Variants in FUT8 observed in about 807,000 individuals in gnomAD.
FUT8 encodes fucosyltransferase 8.
FUT8 carries 29 observed loss-of-function variants against 71.3 expected under a neutral mutation model. That is an observed-to-expected ratio of 0.41 (90% CI 0.30 to 0.55). The LOEUF is 0.55. FUT8 is among the 20% of genes least tolerant of loss of function. FUT8 has a pLI of 0.34. For missense variants in FUT8, 544 were observed against 702.1 expected, an observed-to-expected ratio of 0.77 and a Z score of 2.55; for synonymous variants, 254 against 239.3, an observed-to-expected ratio of 1.06 and a Z score of -0.57.
At chr14:65,665,642 T>C (rs1347038619) in intron 6 of FUT8, among the ~76,000 whole-genome samples, 2 of 152,188 alleles carry the variant, frequency 1.3e-5, no homozygotes, top group African/African-American at 2.4e-5. Flanking sequence ...CATATGTTCA[T>C]TGCAGCACTA....
intron 5 of FUT8, among the ~76,000 whole-genome samples, chr14:65,620,870 A>T (rs981773449): frequency 3.9e-5 from 6 of 152,236 alleles, no homozygotes; most frequent in African/African-American, 1.4e-4. Flanking sequence ...TAGAACATTC[A>T]TCTTAATATT....
At chr14:65,410,698 TTG>T (rs1168565822), upstream of FUT8, 1 of 152,060 alleles carries the variant, frequency 6.6e-6, no homozygotes, top group African/African-American at 2.4e-5. Context: ...ATGTAAAGCT[TTG>T]TACTTGGGTA....
chr14:65,512,596 A>C (rs1013939138), intron 2 of FUT8, among the ~76,000 whole-genome samples: 4 of 151,660 alleles, frequency 2.6e-5, no homozygotes, highest in African/African-American at 9.7e-5. Flanking sequence ...AAAGTAACTT[A>C]GGTTTGATTT....
intron 2 of FUT8, among the ~76,000 whole-genome samples, chr14:65,473,488 G>A (rs1235350733): frequency 6.6e-6 from 1 of 152,034 alleles, no homozygotes; most frequent in African/African-American, 2.4e-5. Flanking sequence ...GACTTACATT[G>A]CCACGGCAGT....
chr14:65,378,846 T>TG, the FUT8 span, among the ~76,000 whole-genome samples: 1 of 134,334 alleles, frequency 7.4e-6, no homozygotes, highest in Non-Finnish European at 1.6e-5. Flanking sequence ...GGTTTTTTTT[T>TG]TTTTTTTTTT....
chr14:65,445,078 G>C (rs773019888), intron 1 of FUT8, among the ~76,000 whole-genome samples: 10 of 152,136 alleles, frequency 6.6e-5, no homozygotes, highest in Non-Finnish European at 1.3e-4. Flanking sequence ...GTGGTGGTGA[G>C]CGCTTGTAAT....
At chr14:65,589,365 A>G (rs576032009) in intron 3 of FUT8, among the ~76,000 whole-genome samples, 58 of 151,834 alleles carry the variant, frequency 3.8e-4, no homozygotes, top group African/African-American at 1.1e-3. Context: ...TTAGAATTCT[A>G]TAGAGAACAC....
At chr14:65,481,721 T>C (rs2139682637) in intron 2 of FUT8, among the ~76,000 whole-genome samples, 1 of 152,300 alleles carries the variant, frequency 6.6e-6, no homozygotes, top group South Asian at 2.1e-4. Flanking sequence ...AGTATATACT[T>C]TTGGGCAGGG....
At chr14:65,393,426 G>A in the FUT8 span, among the ~76,000 whole-genome samples, 1 of 152,224 alleles carries the variant, frequency 6.6e-6, no homozygotes, top group Non-Finnish European at 1.5e-5. Flanking sequence ...CTGCTATGTG[G>A]AGTCAGGCTG....
At chr14:65,530,269 A>C (rs1883850994) in intron 2 of FUT8, among the ~76,000 whole-genome samples, 2 of 152,132 alleles carry the variant, frequency 1.3e-5, no homozygotes, top group South Asian at 4.1e-4. Flanking sequence ...TCAGAGAGAA[A>C]TCTCAGGCAA....
intron 7 of FUT8, among the ~76,000 whole-genome samples, chr14:65,717,587 A>G (rs1895185092): frequency 8.0e-6 from 1 of 124,846 alleles, no homozygotes; most frequent in Non-Finnish European, 1.6e-5. Flanking sequence ...GACGCTCCTC[A>G]CCTCCCAGAC....
Position 65,742,248 on chromosome 14 carries a change from C to T in FUT8, c.1566C>T (p.Pro522=). The change falls in exon 11 of 11, where the codon CCC becomes CCT. Residue 522 remains proline (P), a synonymous_variant. Coordinates refer to ENST00000673929, the MANE Select transcript of FUT8 (RefSeq NM_001371533.1). The stretch of plus-strand genomic sequence containing the variant: ...AACCCCGAACTGCAGATGAAATTCC[C>T]ATGGAACCTGGAGATATCATTGGTG... ...AHQPRTADEI[P]MEPGDIIGVA... 1.2e-6 allele frequency: 2 copies of T among 1,613,076 alleles called. No homozygotes were observed. The highest frequency in any genetic ancestry group is 1.7e-6 in the Non-Finnish European group (2 of 1,179,382).
chr14:65,552,829 A>G (rs771827872), intron 2 of FUT8, among the ~76,000 whole-genome samples: 3 of 152,098 alleles, frequency 2.0e-5, no homozygotes, highest in Non-Finnish European at 4.4e-5. Context: ...AATAAAAACT[A>G]CTTGTTGCTC....
chr14:65,498,234 A>T (rs1333245731), intron 2 of FUT8, among the ~76,000 whole-genome samples: 1 of 151,790 alleles, frequency 6.6e-6, no homozygotes, highest in Non-Finnish European at 1.5e-5. Flanking sequence ...ACATGACCTT[A>T]TTTTTTTTAG....
At chr14:65,588,054 C>A (rs906082144) in intron 3 of FUT8, among the ~76,000 whole-genome samples, 2 of 152,176 alleles carry the variant, frequency 1.3e-5, no homozygotes, top group East Asian at 3.8e-4. Context: ...TTTACCCCAG[C>A]AAATATTTAC....
At chr14:65,439,987 T>TATATACAC (rs1358951833) in intron 1 of FUT8, among the ~76,000 whole-genome samples, 19 of 138,082 alleles carry the variant, frequency 1.4e-4, no homozygotes, top group African/African-American at 4.8e-4. Flanking sequence ...TATATATATA[T>TATATACAC]ATATGTACAC....
intron 3 of FUT8, among the ~76,000 whole-genome samples, chr14:65,580,765 A>G (rs139185312): frequency 6.6e-6 from 1 of 152,194 alleles, no homozygotes; most frequent in Non-Finnish European, 1.5e-5. Flanking sequence ...AATATCTTAT[A>G]TGAAAGATTA....
rs372173718 is a variant in FUT8 at position 65,733,342 on chromosome 14, C to T, written c.1371C>T (p.Leu457=). The change falls in exon 10 of 11, where the codon CTC becomes CTT. Residue 457 remains leucine (L), a synonymous_variant. Transcript: ENST00000673929. ...LRGVILDIHF[L]SQADFLVCTF... Reference sequence around the variant, plus strand: ...GAGTGATCCTGGATATACATTTTCTCTCTCAGGCAGACTTCCTAGTGTGTA... The same window carrying T: ...GAGTGATCCTGGATATACATTTTCTTTCTCAGGCAGACTTCCTAGTGTGTA... 3.2e-5 allele frequency: 51 copies of T among 1,604,838 alleles called. No homozygotes were observed. Among genetic ancestry groups the T allele is most frequent in the South Asian group, 2.1e-4 (19 of 89,402 alleles).
chr14:65,491,968 T>C (rs2066488595), intron 2 of FUT8, among the ~76,000 whole-genome samples: 1 of 152,168 alleles, frequency 6.6e-6, no homozygotes, highest in Admixed American at 6.6e-5. Context: ...TGTAAAGTTC[T>C]GATTTTGTCA....
Sources: allele counts gnomAD v4.1 joint callset (sites outside exome capture counted in the v4.1 genomes callset), GRCh38; gene constraint gnomAD v4.1.1; transcripts MANE v1.5; gene names NCBI Gene and HGNC (gene_info 2026-07-23, HGNC 2026-07-21).